Variants in DPP10 observed in about 807,000 individuals in gnomAD.
DPP10 encodes dipeptidyl peptidase like 10.
DPP10 carries 33 observed loss-of-function variants against 120.9 expected under a neutral mutation model. The observed-to-expected ratio is 0.27, with a 90% confidence interval of 0.21 to 0.37. The LOEUF (loss-of-function observed/expected upper bound fraction) is 0.37. Ranked by LOEUF, DPP10 falls within the 10% of genes least tolerant of loss-of-function variation. The pLI, the probability that DPP10 is intolerant of heterozygous loss-of-function variation, is 1.00. For missense variants in DPP10, 816 were observed against 942.8 expected, an observed-to-expected ratio of 0.87 and a Z score of 1.76; for synonymous variants, 337 against 326.1, an observed-to-expected ratio of 1.03 and a Z score of -0.36.
chr2:115,280,964 T>C (rs1312715856), intron 1 of DPP10, among the ~76,000 whole-genome samples: 2 of 152,178 alleles, frequency 1.3e-5, no homozygotes, highest in Non-Finnish European at 2.9e-5. Flanking sequence ...AGTGAAAAGG[T>C]TAATGGTATG....
chr2:115,381,864 C>T (rs915277542), intron 3 of DPP10, among the ~76,000 whole-genome samples: 7 of 152,032 alleles, frequency 4.6e-5, no homozygotes, highest in Non-Finnish European at 7.4e-5. Context: ...TTAGGCTTCT[C>T]GGGGGTCAGG....
chr2:115,256,434 G>T (rs2058991044), intron 1 of DPP10, among the ~76,000 whole-genome samples: 1 of 152,168 alleles, frequency 6.6e-6, no homozygotes, highest in South Asian at 2.1e-4. Context: ...CTTATGGCAT[G>T]CCTTCTCTGA....
At chr2:114,850,501 A>C (rs931497720) in intron 1 of DPP10, among the ~76,000 whole-genome samples, 1 of 152,166 alleles carries the variant, frequency 6.6e-6, no homozygotes, top group African/African-American at 2.4e-5. Flanking sequence ...TCATTTGTAA[A>C]ATCATTATTA....
At chr2:114,536,719 C>T (rs1686533649) in intron 1 of DPP10, among the ~76,000 whole-genome samples, 1 of 152,042 alleles carries the variant, frequency 6.6e-6, no homozygotes, top group African/African-American at 2.4e-5. Flanking sequence ...TTGGTCTGTT[C>T]TTCATGAGCT....
At chr2:114,828,558 A>T (rs1370146836) in intron 1 of DPP10, 1 of 152,226 alleles carries the variant, frequency 6.6e-6, no homozygotes, top group Non-Finnish European at 1.5e-5. Flanking sequence ...TACACATAAA[A>T]TTCCTGGAAT....
chr2:115,375,657 T>A (rs1458154266), intron 3 of DPP10, among the ~76,000 whole-genome samples: 4 of 152,168 alleles, frequency 2.6e-5, no homozygotes, highest in Non-Finnish European at 5.9e-5. Flanking sequence ...GGATAATTTA[T>A]GAAGAAAAGA....
chr2:114,993,885 T>G (rs1700915090), intron 1 of DPP10, among the ~76,000 whole-genome samples: 2 of 152,152 alleles, frequency 1.3e-5, no homozygotes, highest in Admixed American at 1.3e-4. Context: ...TGCAACTATG[T>G]CAATGAGTGC....
At chr2:114,696,476 G>C (rs1416139596) in intron 1 of DPP10, among the ~76,000 whole-genome samples, 1 of 151,908 alleles carries the variant, frequency 6.6e-6, no homozygotes, top group Non-Finnish European at 1.5e-5. Context: ...TCTTTTATTT[G>C]CAGCTGAAGC....
intron 1 of DPP10, among the ~76,000 whole-genome samples, chr2:114,534,170 G>A (rs1273729568): frequency 6.6e-6 from 1 of 152,020 alleles, no homozygotes; most frequent in East Asian, 1.9e-4. Context: ...TTTCTTATGT[G>A]TTATTCTCTT....
chr2:114,896,002 A>G (rs1391313256), intron 1 of DPP10, among the ~76,000 whole-genome samples: 1 of 152,160 alleles, frequency 6.6e-6, no homozygotes, highest in East Asian at 1.9e-4. Flanking sequence ...TCCTTTCCCC[A>G]TTGCTTTTTT....
chr2:115,628,856 T>G (rs576163938), intron 5 of DPP10, among the ~76,000 whole-genome samples: 1 of 152,074 alleles, frequency 6.6e-6, no homozygotes, highest in Admixed American at 6.6e-5. Context: ...AGGGTACATG[T>G]GCACAACGTG....
At chr2:115,488,840 C>T (rs12474891) in intron 3 of DPP10, among the ~76,000 whole-genome samples, 37,925 of 130,346 alleles carry the variant, frequency 0.29, 6,257 homozygotes, top group Admixed American at 0.43. Context: ...TGTAACTAAC[C>T]TGCACAATGT....
At chr2:114,475,865 T>A (rs1363959558) in intron 1 of DPP10, among the ~76,000 whole-genome samples, 1 of 152,096 alleles carries the variant, frequency 6.6e-6, no homozygotes, top group Non-Finnish European at 1.5e-5. Context: ...GAGGGTAACT[T>A]GATAGTGACT....
intron 1 of DPP10, among the ~76,000 whole-genome samples, chr2:114,725,408 T>C (rs1670476921): frequency 6.6e-6 from 1 of 152,228 alleles, no homozygotes; most frequent in South Asian, 2.1e-4. Context: ...CTCAAATCAG[T>C]AGACTATTTC....
chr2:115,043,018 C>T (rs181493637), intron 1 of DPP10, among the ~76,000 whole-genome samples: 3 of 152,054 alleles, frequency 2.0e-5, no homozygotes, highest in Non-Finnish European at 4.4e-5. Context: ...GTTATCTGAC[C>T]AAGGCCAAAA....
chr2:114,589,161 A>T (rs2105144471), intron 1 of DPP10, among the ~76,000 whole-genome samples: 1 of 152,202 alleles, frequency 6.6e-6, no homozygotes, highest in Admixed American at 6.5e-5. Flanking sequence ...AGTTTCTTGA[A>T]CCGGGCATTC....
intron 9 of DPP10, among the ~76,000 whole-genome samples, chr2:115,744,492 A>C (rs1203605407): frequency 6.6e-6 from 1 of 150,448 alleles, no homozygotes; most frequent in Non-Finnish European, 1.5e-5. Context: ...ATTCTGATCC[A>C]GAACCTTTGG....
At chr2:115,222,512 C>T (rs938809788) in intron 1 of DPP10, among the ~76,000 whole-genome samples, 2 of 152,106 alleles carry the variant, frequency 1.3e-5, no homozygotes, top group African/African-American at 4.8e-5. Context: ...CTCTTGTCTG[C>T]TGCCATGTGA....
intron 3 of DPP10, among the ~76,000 whole-genome samples, chr2:115,472,256 A>G: frequency 6.6e-6 from 1 of 152,226 alleles, no homozygotes; most frequent in East Asian, 1.9e-4. Flanking sequence ...TGCAAAGAAA[A>G]TTAAGTTACT....
Sources: allele counts gnomAD v4.1 joint callset (sites outside exome capture counted in the v4.1 genomes callset), GRCh38; gene constraint gnomAD v4.1.1; transcripts MANE v1.5; gene names NCBI Gene and HGNC (gene_info 2026-07-23, HGNC 2026-07-21).